Variants in HERC1 observed in about 807,000 individuals in gnomAD.
HERC1 encodes the protein probable E3 ubiquitin-protein ligase HERC1.
HERC1 carries 160 observed loss-of-function variants against 554.3 expected under a neutral mutation model. The observed-to-expected ratio is 0.29, with a 90% CI of 0.25 to 0.33. HERC1 has a LOEUF of 0.33. Among genes scored for constraint, HERC1 ranks in the 10% least tolerant of loss-of-function variants. HERC1 has a pLI of 1.00. For synonymous variants in HERC1, 2,175 were observed against 2,131.7 expected, an observed-to-expected ratio of 1.02 and a Z score of -0.56; for missense variants, 4,919 against 5,918.5, an observed-to-expected ratio of 0.83 and a Z score of 5.54.
In HERC1 at chr15:63,612,553, C is replaced by A. The variant is rs760322735; in HGVS notation, c.14098G>T (p.Ala4700Ser). The change falls in exon 77 of 78, where the codon GCT becomes TCT. Residue 4700 changes from alanine to serine, a missense_variant. This residue lies in a region of HERC1 where 284 missense variants were observed against 294.1 expected (regional missense o/e 0.97). Transcript: ENST00000443617. The surrounding 1 kb of genome is among the most constrained non-coding windows in gnomAD (Gnocchi z 5.0). The part of the protein sequence containing the change: ...YRLHEMDRQV[A>S]AVREGMSWIV... ...CAGGACATCCCTTCTCGGACTGCAG[C>A]CACCTGCTCCCGGGAGAGGTTGCTC... 4 of 1,611,992 alleles carry A rather than the reference C, an allele frequency of 2.5e-6. No individual in the cohort carries two copies. The highest frequency in any genetic ancestry group is 3.4e-6 in the Non-Finnish European group (4 of 1,178,580).
intron 74 of HERC1, among the ~76,000 whole-genome samples, chr15:63,618,067 T>C (rs930175944): frequency 2.6e-5 from 4 of 152,152 alleles, no homozygotes; most frequent in Non-Finnish European, 5.9e-5. Context: ...GTTTTAGACA[T>C]GAAGTCCTTG....
chr15:63,797,173 A>G (rs772280868), intron 1 of HERC1, among the ~76,000 whole-genome samples: 5 of 152,240 alleles, frequency 3.3e-5, no homozygotes, highest in African/African-American at 1.2e-4. Context: ...CCACCTTCAT[A>G]AAACTAATGA....
At chr15:63,739,781 T>G (rs1278467855) in intron 12 of HERC1, among the ~76,000 whole-genome samples, 2 of 151,936 alleles carry the variant, frequency 1.3e-5, no homozygotes, top group East Asian at 3.9e-4. Context: ...GAGGTTACAG[T>G]GAGCCGAGAT....
intron 12 of HERC1, among the ~76,000 whole-genome samples, chr15:63,743,273 T>TTA (rs2074901185): frequency 2.1e-5 from 3 of 146,114 alleles, no homozygotes; most frequent in Admixed American, 2.0e-4. Context: ...CTTTTTTTTT[T>TTA]TTTTTTTTAA....
Position 63,706,848 on chromosome 15 carries a change from G to T in HERC1, c.4585-17C>A. 6.7e-7 allele frequency: 1 copy of T among 1,489,246 alleles called. No individual in the cohort carries two copies. 92.3% of individuals were successfully genotyped at this position (1,489,246 alleles called of 1,614,324 possible). A position where few individuals can be genotyped will look rare whatever the true frequency, so the allele number is the denominator to read the frequency against. On this transcript the variant is annotated splice_polypyrimidine_tract_variant and intron_variant, in intron 24 of 77. Coordinates refer to ENST00000443617, the MANE Select transcript of HERC1 (RefSeq NM_003922.4). ...TCTGCCACTCTATTAAAAGTAAAAAGTAAATAAATAAAATTTAGTTGTGAA... is the reference window on the plus strand; with the variant it reads ...TCTGCCACTCTATTAAAAGTAAAAATTAAATAAATAAAATTTAGTTGTGAA...
rs767148510 is a variant in HERC1 at position 63,640,139 on chromosome 15, A to C, written c.11901+13T>G. 7.5e-6 allele frequency: 12 copies of C among 1,610,698 alleles called. No homozygotes were observed. The Admixed American group carries it at 1.3e-4, about 18-fold the overall frequency. On this transcript the variant is annotated intron_variant, in intron 61 of 77. Transcript: ENST00000443617. ...TCTCAGCTGCAAATAATAGCAGCTC[A>C]CAGTACATTTACCATTAGAAATACA...
chr15:63,751,831 TTTATTA>T (rs200277711), intron 8 of HERC1, among the ~76,000 whole-genome samples: 3 of 152,038 alleles, frequency 2.0e-5, no homozygotes, highest in African/African-American at 4.8e-5. Flanking sequence ...ATGTAATGGA[TTTATTA>T]TTATTATTAC....
intron 2 of HERC1, among the ~76,000 whole-genome samples, chr15:63,769,265 A>G (rs2075877485): frequency 6.6e-6 from 1 of 151,996 alleles, no homozygotes; most frequent in Non-Finnish European, 1.5e-5. Context: ...TAAAAAATAC[A>G]AAAATCAGCC....
intron 46 of HERC1, among the ~76,000 whole-genome samples, chr15:63,660,561 T>C (rs990733471): frequency 2.1e-4 from 32 of 152,162 alleles, no homozygotes; most frequent in African/African-American, 6.8e-4. Flanking sequence ...AATATTGTCA[T>C]GGGTCCAACA....
At chr15:63,781,164 G>A (rs1371736261) in intron 1 of HERC1, among the ~76,000 whole-genome samples, 3 of 152,056 alleles carry the variant, frequency 2.0e-5, no homozygotes, top group African/African-American at 4.8e-5. Context: ...ACTACAAGCA[G>A]AGTTATAAAA....
rs532051360 is a variant in HERC1, at chr15:63,616,469, G to A, written c.13902C>T (p.His4634=). 6.2e-7 allele frequency: 1 copy of A among 1,613,908 alleles called. No homozygotes were observed. Among genetic ancestry groups the A allele is most frequent in the East Asian group, 2.2e-5 (1 of 44,886 alleles). Residue 4634 remains histidine (H), a synonymous_variant, in exon 75 of 78, where the codon CAC becomes CAT. Transcript: ENST00000443617. The part of the protein sequence containing the change: ...LYVQTLNSIL[H]IEDSGITEES... ...CCTCGGTAATCCCACTGTCTTCAAT[G>A]TGAAGAATGCTGTTGAGAGTCTGCA...
chr15:63,630,185 C>G (rs1435568047), intron 69 of HERC1, among the ~76,000 whole-genome samples: 1 of 152,204 alleles, frequency 6.6e-6, no homozygotes, highest in African/African-American at 2.4e-5. Flanking sequence ...ATGCCAGGCA[C>G]TTAACAGTGT....
chr15:63,786,312 G>A (rs920416457), intron 1 of HERC1, among the ~76,000 whole-genome samples: 3 of 146,830 alleles, frequency 2.0e-5, no homozygotes, highest in Admixed American at 6.8e-5. Flanking sequence ...AAGAAGAATC[G>A]AAAGACAGCT....
chr15:63,672,395 G>T, intron 39 of HERC1, 101 bp downstream of exon 39: 1 of 769,186 alleles, frequency 1.3e-6, no homozygotes, highest in Non-Finnish European at 2.0e-6. Flanking sequence ...TCTAGCTCTA[G>T]AACACCAAGA....
chr15:63,797,189 C>T (rs1177520136), intron 1 of HERC1, among the ~76,000 whole-genome samples: 1 of 152,092 alleles, frequency 6.6e-6, no homozygotes, highest in Admixed American at 6.5e-5. Flanking sequence ...AATGAAAGGC[C>T]ACAAGGTTAG....
At chr15:63,822,631 G>A (rs939923423) in intron 1 of HERC1, among the ~76,000 whole-genome samples, 1 of 151,908 alleles carries the variant, frequency 6.6e-6, no homozygotes, top group Non-Finnish European at 1.5e-5. Flanking sequence ...TAATTTAGAT[G>A]TCATCTAAAG....
intron 51 of HERC1, among the ~76,000 whole-genome samples, chr15:63,653,914 G>A (rs1180372174): frequency 2.0e-5 from 3 of 152,042 alleles, no homozygotes; most frequent in South Asian, 2.1e-4. Flanking sequence ...TCTCCAATTC[G>A]TATACTATTA....
At chr15:63,688,750 A>T (rs1265910483) in intron 33 of HERC1, among the ~76,000 whole-genome samples, 1 of 152,240 alleles carries the variant, frequency 6.6e-6, no homozygotes, top group Non-Finnish European at 1.5e-5. Flanking sequence ...AGATGGATTC[A>T]CAAGATATAA....
intron 12 of HERC1, among the ~76,000 whole-genome samples, chr15:63,741,848 T>A (rs749466555): frequency 1.1e-4 from 16 of 152,230 alleles, no homozygotes; most frequent in Non-Finnish European, 2.4e-4. Context: ...TATATATTTA[T>A]CCTTCTGACA....
Sources: allele counts gnomAD v4.1 joint callset (sites outside exome capture counted in the v4.1 genomes callset), GRCh38; gene constraint gnomAD v4.1.1; regional missense constraint gnomAD v4.1.1; non-coding constraint Gnocchi (gnomAD v3.1); transcripts MANE v1.5; gene names NCBI Gene and HGNC (gene_info 2026-07-23, HGNC 2026-07-21).